Variants in SPTLC3 observed in about 807,000 individuals in gnomAD.
SPTLC3 encodes serine palmitoyltransferase 3.
Under a neutral mutation model 59.3 loss-of-function variants are expected in SPTLC3, and 36 were observed. The observed-to-expected ratio is 0.61, with a 90% CI of 0.47 to 0.80. The LOEUF (loss-of-function observed/expected upper bound fraction) is 0.80. Ranked by LOEUF, SPTLC3 falls within the 30% of genes least tolerant of loss-of-function variation. SPTLC3 has a pLI of 0.00. For missense variants in SPTLC3, 625 were observed against 685.1 expected (o/e 0.91, Z 0.98); for synonymous variants, 257 against 240.8 (o/e 1.07, Z -0.62).
chr20:13,090,595 A>G (rs1989177869), intron 4 of SPTLC3, among the ~76,000 whole-genome samples: 1 of 152,186 alleles, frequency 6.6e-6, no homozygotes, highest in African/African-American at 2.4e-5. Context: ...TATACAGCTC[A>G]ATGGATCTCC....
chr20:13,053,999 T>C (rs1323249514), intron 2 of SPTLC3, among the ~76,000 whole-genome samples: 3 of 152,202 alleles, frequency 2.0e-5, no homozygotes, highest in East Asian at 3.9e-4. Flanking sequence ...ATGTTTAACC[T>C]GATTTGGTGT....
At chr20:13,022,425 T>A (rs571659658) in intron 1 of SPTLC3, among the ~76,000 whole-genome samples, 1 of 152,330 alleles carries the variant, frequency 6.6e-6, no homozygotes, top group African/African-American at 2.4e-5. Flanking sequence ...TTATTATGCT[T>A]GTGGATTCTG....
chr20:13,106,471 T>A (rs1369628299), intron 6 of SPTLC3, among the ~76,000 whole-genome samples: 3 of 152,122 alleles, frequency 2.0e-5, no homozygotes, highest in Admixed American at 6.5e-5. Flanking sequence ...GAGTTTGGGT[T>A]AAGACTTCAG....
rs1174832822 is a variant in SPTLC3 at position 13,009,205 on chromosome 20, A to T, written c.-63A>T. 1 of 1,383,742 alleles carries T rather than the reference A, an allele frequency of 7.2e-7. No individual in the cohort carries two copies. The highest frequency in any genetic ancestry group is 1.0e-6 in the Non-Finnish European group (1 of 980,642). 85.7% of individuals were successfully genotyped at this position (1,383,742 alleles called of 1,614,324 possible). On this transcript the variant is annotated 5_prime_UTR_variant, in exon 1 of 12. Coordinates refer to ENST00000399002, the MANE Select transcript of SPTLC3 (RefSeq NM_018327.4). Reference sequence around the variant, plus strand: ...CTTTATCCCATCCCCTCGCAGACTGAAAACTAAAGCCTGCAGAGACCTCTG... The same window carrying T: ...CTTTATCCCATCCCCTCGCAGACTGTAAACTAAAGCCTGCAGAGACCTCTG...
chr20:13,124,369 G>A (rs2037938017), intron 8 of SPTLC3, among the ~76,000 whole-genome samples: 1 of 151,600 alleles, frequency 6.6e-6, no homozygotes, highest in African/African-American at 2.4e-5. Context: ...GAAGAAGGGA[G>A]GGAGGAAGGA....
chr20:13,152,739 G>A (rs2038677419), intron 9 of SPTLC3, among the ~76,000 whole-genome samples: 1 of 152,190 alleles, frequency 6.6e-6, no homozygotes, highest in Non-Finnish European at 1.5e-5. Context: ...AAAAGAGGAA[G>A]GGCAGGGCCA....
intron 9 of SPTLC3, among the ~76,000 whole-genome samples, chr20:13,144,457 T>C (rs1266912661): frequency 1.3e-5 from 2 of 152,168 alleles, no homozygotes; most frequent in Non-Finnish European, 2.9e-5. Context: ...AACAGATCAG[T>C]AAATTGAGGC....
At chr20:13,029,227 T>C (rs754941646) in intron 1 of SPTLC3, among the ~76,000 whole-genome samples, 2 of 152,124 alleles carry the variant, frequency 1.3e-5, no homozygotes, top group Non-Finnish European at 2.9e-5. Flanking sequence ...ATCACGTCCC[T>C]ACAGACTGAG....
intron 2 of SPTLC3, among the ~76,000 whole-genome samples, chr20:13,065,158 CTTA>C (rs990533892): frequency 2.6e-5 from 4 of 151,730 alleles, no homozygotes; most frequent in African/African-American, 9.7e-5. Flanking sequence ...TTACAATAAA[CTTA>C]TTAATTGTCA....
At chr20:13,084,374 G>C (rs171501) in intron 4 of SPTLC3, among the ~76,000 whole-genome samples, 118,582 of 152,132 alleles carry the variant, frequency 0.78, 46,722 homozygotes, top group African/African-American at 0.88. Flanking sequence ...CTTGGGCTAA[G>C]AGCTGCCAAA....
At chr20:13,141,595 T>C (rs2038385064) in intron 9 of SPTLC3, among the ~76,000 whole-genome samples, 1 of 152,202 alleles carries the variant, frequency 6.6e-6, no homozygotes, top group Non-Finnish European at 1.5e-5. Context: ...CAAAATGTAC[T>C]GTCTGAGGGC....
intron 6 of SPTLC3, among the ~76,000 whole-genome samples, chr20:13,108,063 A>C (rs1990005301): frequency 6.6e-6 from 1 of 152,038 alleles, no homozygotes; most frequent in South Asian, 2.1e-4. Flanking sequence ...CTTTTTCTGA[A>C]TTTCAGGACC....
At chr20:13,074,246 C>A in intron 3 of SPTLC3, 103 bp from the exon 4 acceptor site, 1 of 1,448,618 alleles carries the variant, frequency 6.9e-7, no homozygotes, top group Non-Finnish European at 9.5e-7. Context: ...GTCACCTCAT[C>A]CTCTTTTTCT....
At chr20:13,022,634 A>G (rs1424206722) in intron 1 of SPTLC3, among the ~76,000 whole-genome samples, 2 of 152,150 alleles carry the variant, frequency 1.3e-5, no homozygotes, top group Non-Finnish European at 2.9e-5. Context: ...AGGACTGTGA[A>G]CTGGATCGAT....
At chr20:13,077,322 AAAAT>A (rs33912100) in intron 4 of SPTLC3, among the ~76,000 whole-genome samples, 40,755 of 150,804 alleles carry the variant, frequency 0.27, 5,677 homozygotes, top group Middle Eastern at 0.34. Flanking sequence ...TAAGAAGCCA[AAAAT>A]AAATAAATGA....
At chr20:13,151,292 T>C (rs938712717) in intron 9 of SPTLC3, among the ~76,000 whole-genome samples, 1 of 152,192 alleles carries the variant, frequency 6.6e-6, no homozygotes, top group Non-Finnish European at 1.5e-5. Context: ...GAAGATCTGG[T>C]TTGTTTAATT....
At chr20:13,060,247 G>A (rs1388628678) in intron 2 of SPTLC3, among the ~76,000 whole-genome samples, 1 of 152,118 alleles carries the variant, frequency 6.6e-6, no homozygotes, top group Admixed American at 6.5e-5. Flanking sequence ...TATACAGGTA[G>A]CAAAGATTCA....
chr20:13,038,045 A>AATATATAT (rs74181398), intron 1 of SPTLC3, among the ~76,000 whole-genome samples: 22 of 139,610 alleles, frequency 1.6e-4, no homozygotes, highest in African/African-American at 5.5e-4. Context: ...GAAAATCATG[A>AATATATAT]ATATATATAT....
intron 1 of SPTLC3, among the ~76,000 whole-genome samples, chr20:13,022,340 C>T (rs1985927860): frequency 6.6e-6 from 1 of 152,228 alleles, no homozygotes; most frequent in African/African-American, 2.4e-5. Context: ...AGAGCTCCAA[C>T]TCTTTTATCT....
Sources: gnomAD v4.1 joint callset for allele counts (sites outside exome capture counted in the v4.1 genomes callset) on GRCh38, gnomAD v4.1.1 for gene constraint, MANE v1.5 for transcripts, NCBI Gene and HGNC (gene_info 2026-07-23, HGNC 2026-07-21) for gene names.